Variants in NKAIN2 observed in about 807,000 individuals in gnomAD.
NKAIN2 encodes sodium/potassium transporting ATPase interacting 2.
NKAIN2 carries 14 observed loss-of-function variants against 32.6 expected under a neutral mutation model. The observed-to-expected ratio is 0.43, with a 90% CI of 0.28 to 0.67. The LOEUF (loss-of-function observed/expected upper bound fraction) is 0.67. NKAIN2 is among the 30% of genes least tolerant of loss of function. The pLI is 0.17. For missense variants in NKAIN2, 198 were observed against 258.3 expected (o/e 0.77, Z 1.60); for synonymous variants, 80 against 87.2 (o/e 0.92, Z 0.46).
intron 1 of NKAIN2, among the ~76,000 whole-genome samples, chr6:124,215,955 T>C (rs1395266283): frequency 1.3e-5 from 2 of 151,782 alleles, no homozygotes; most frequent in Non-Finnish European, 2.9e-5. Flanking sequence ...CCATCTCTAC[T>C]AAAAATACAA....
intron 1 of NKAIN2, among the ~76,000 whole-genome samples, chr6:123,883,768 G>A (rs1489615616): frequency 6.7e-6 from 1 of 149,606 alleles, no homozygotes; most frequent in South Asian, 2.1e-4. Context: ...GGTGTCAGGC[G>A]CCTGTAGTCC....
chr6:124,820,317 G>T (rs1427786979), intron 6 of NKAIN2, among the ~76,000 whole-genome samples: 2 of 152,180 alleles, frequency 1.3e-5, no homozygotes, highest in Non-Finnish European at 2.9e-5. Flanking sequence ...CTCCGACCGT[G>T]GGCATGTAAC....
intron 3 of NKAIN2, among the ~76,000 whole-genome samples, chr6:124,357,301 T>G (rs1316503150): frequency 6.6e-6 from 1 of 152,210 alleles, no homozygotes. Flanking sequence ...TACTGGGTTT[T>G]TCCTCTCTTT....
chr6:124,290,780 T>C (rs1562474273), intron 2 of NKAIN2, among the ~76,000 whole-genome samples: 1 of 152,044 alleles, frequency 6.6e-6, no homozygotes. Context: ...TTGCTTGATA[T>C]TCATTCTGTT....
At chr6:123,962,028 C>T (rs542560427) in intron 1 of NKAIN2, among the ~76,000 whole-genome samples, 1 of 152,156 alleles carries the variant, frequency 6.6e-6, no homozygotes, top group Admixed American at 6.5e-5. Flanking sequence ...GTTATTTTGT[C>T]ACTTTCTATA....
intron 2 of NKAIN2, among the ~76,000 whole-genome samples, chr6:124,319,987 T>A (rs1797108539): frequency 6.6e-6 from 1 of 152,158 alleles, no homozygotes; most frequent in Non-Finnish European, 1.5e-5. Flanking sequence ...GAAAGATGAC[T>A]TGATCTAATA....
chr6:124,334,408 G>A (rs928623067), intron 2 of NKAIN2, among the ~76,000 whole-genome samples: 3 of 152,152 alleles, frequency 2.0e-5, no homozygotes, highest in Non-Finnish European at 4.4e-5. Context: ...CTGGAGTTTT[G>A]TTATTACTCA....
At chr6:124,088,448 A>C (rs1316571205) in intron 1 of NKAIN2, among the ~76,000 whole-genome samples, 2 of 151,980 alleles carry the variant, frequency 1.3e-5, no homozygotes, top group Non-Finnish European at 2.9e-5. Context: ...AAGGAGCTCA[A>C]TGTGGAGAAA....
At chr6:124,021,738 A>G (rs1780875621) in intron 1 of NKAIN2, among the ~76,000 whole-genome samples, 1 of 152,046 alleles carries the variant, frequency 6.6e-6, no homozygotes, top group South Asian at 2.1e-4. Context: ...ATATATAGAC[A>G]TATCTATATA....
At chr6:124,613,834 C>T (rs903780606) in intron 3 of NKAIN2, among the ~76,000 whole-genome samples, 1 of 152,268 alleles carries the variant, frequency 6.6e-6, no homozygotes, top group African/African-American at 2.4e-5. Context: ...CTTCATCACT[C>T]TTTGTCTAGT....
chr6:124,442,499 G>A (rs1775731794), intron 3 of NKAIN2, among the ~76,000 whole-genome samples: 1 of 152,034 alleles, frequency 6.6e-6, no homozygotes, highest in Non-Finnish European at 1.5e-5. Context: ...CATATGAATT[G>A]CAATAATGGT....
intron 4 of NKAIN2, among the ~76,000 whole-genome samples, chr6:124,708,082 C>G (rs1775199613): frequency 6.7e-6 from 1 of 149,468 alleles, no homozygotes; most frequent in African/African-American, 2.5e-5. Flanking sequence ...TTCCCAGCAC[C>G]ATTTATTATA....
Position 123,821,692 on chromosome 6 carries a change from C to T in NKAIN2, c.54+17438C>T, listed in dbSNP as rs557323990. On this transcript the variant is annotated intron_variant, in intron 1 of 6. Coordinates refer to ENST00000368417, the MANE Select transcript of NKAIN2 (RefSeq NM_001040214.3). ...CACTGTGGGTGTGTAGAGGGACAAG[C>T]GGGGGGCCCGAGGGCTGGAGCAAGG... 5.3e-5 allele frequency among the ~76,000 whole-genome samples: 8 copies of T among 152,044 alleles called. 1 individual carries two copies. In the South Asian group the frequency reaches 6.2e-4, roughly 12 times the overall value.
intron 1 of NKAIN2, among the ~76,000 whole-genome samples, chr6:123,904,092 G>A (rs1045419333): frequency 1.4e-4 from 21 of 152,100 alleles, no homozygotes; most frequent in African/African-American, 4.6e-4. Flanking sequence ...TCAGCCAGAC[G>A]TGGTGGTGCA....
Position 123,883,894 on chromosome 6 carries a change from C to CAAAAAA in NKAIN2, c.54+79658_54+79663dup, listed in dbSNP as rs369070419. On this transcript the variant is annotated intron_variant, in intron 1 of 6. Coordinates refer to ENST00000368417, the MANE Select transcript of NKAIN2 (RefSeq NM_001040214.3). The stretch of plus-strand genomic sequence containing the variant: ...TGGGCGACAGAGCGAGACTCTGTCT[C>CAAAAAA]AAAAAAAAAAAAAAAAAAAAAAATT... 3.4e-3 allele frequency among the ~76,000 whole-genome samples: 215 copies of CAAAAAA among 63,798 alleles called. 6 individuals are homozygous for CAAAAAA. The highest frequency in any genetic ancestry group is 4.6e-3 in the Non-Finnish European group (166 of 35,790). The allele number at this position is 63,798 out of a possible 152,430, so 41.9% of individuals were successfully genotyped here. A position where few individuals can be genotyped will look rare whatever the true frequency, so the allele number is the denominator to read the frequency against.
At chr6:124,220,537 G>GTATA (rs3055327) in intron 1 of NKAIN2, among the ~76,000 whole-genome samples, 94,056 of 147,870 alleles carry the variant, frequency 0.64, 30,455 homozygotes, top group South Asian at 0.74. Context: ...ACATACATAT[G>GTATA]TATATATATA....
chr6:124,194,853 A>G (rs916539701), intron 1 of NKAIN2, among the ~76,000 whole-genome samples: 2 of 152,112 alleles, frequency 1.3e-5, no homozygotes, highest in Non-Finnish European at 2.9e-5. Flanking sequence ...GGGTGCACTA[A>G]AGGATAAAAG....
At chr6:124,199,073 A>G (rs1320603991) in intron 1 of NKAIN2, among the ~76,000 whole-genome samples, 1 of 152,182 alleles carries the variant, frequency 6.6e-6, no homozygotes, top group Non-Finnish European at 1.5e-5. Context: ...GATGTGTCCC[A>G]CAATTTATTT....
intron 3 of NKAIN2, among the ~76,000 whole-genome samples, chr6:124,384,286 T>C (rs1410334948): frequency 2.0e-5 from 3 of 152,156 alleles, no homozygotes; most frequent in Non-Finnish European, 4.4e-5. Flanking sequence ...ATATGTTATC[T>C]GAGTTAATGA....
Sources: allele counts gnomAD v4.1 joint callset (sites outside exome capture counted in the v4.1 genomes callset), GRCh38; gene constraint gnomAD v4.1.1; transcripts MANE v1.5; gene names NCBI Gene and HGNC (gene_info 2026-07-23, HGNC 2026-07-21).